SARS1: variants seen among roughly 807,000 people sequenced by gnomAD.
SARS1 encodes the protein seryl-tRNA synthetase 1.
In SARS1, 25 loss-of-function variants were observed where a neutral mutation model predicts 63.7. That is an observed-to-expected ratio of 0.39 (90% CI 0.29 to 0.55). The LOEUF (loss-of-function observed/expected upper bound fraction) is 0.55, where lower values mean the gene tolerates loss of function less well. Ranked by LOEUF, SARS1 falls within the 20% of genes least tolerant of loss-of-function variation. The pLI is 0.62. For missense variants in SARS1, 417 were observed against 649.7 expected, an observed-to-expected ratio of 0.64 and a Z score of 3.89; for synonymous variants, 231 against 243.5, an observed-to-expected ratio of 0.95 and a Z score of 0.48.
At chr1:109,219,262 C>CAT (rs142272817) in intron 1 of SARS1, among the ~76,000 whole-genome samples, 1,651 of 76,868 alleles carry the variant, frequency 0.021, 122 homozygotes, top group African/African-American at 0.056. Context: ...CAAGACTCTC[C>CAT]ATATATATAT....
chr1:109,217,976 G>A (rs1004399459), intron 1 of SARS1, among the ~76,000 whole-genome samples: 1 of 152,042 alleles, frequency 6.6e-6, no homozygotes, highest in Non-Finnish European at 1.5e-5. Flanking sequence ...CAGATCACAA[G>A]GTCAGGAGAT....
At chr1:109,219,340 T>C (rs1454639867) in intron 1 of SARS1, among the ~76,000 whole-genome samples, 1 of 48,704 alleles carries the variant, frequency 2.1e-5, no homozygotes, top group Non-Finnish European at 7.5e-5. Context: ...ACACACTATA[T>C]ATATATATAT....
intron 5 of SARS1, 83 bp downstream of exon 5, chr1:109,231,104 G>A (rs952331261): frequency 1.1e-5 from 10 of 870,976 alleles, no homozygotes; most frequent in African/African-American, 1.8e-5. Context: ...TTTTTGTAGA[G>A]AAACATAATC....
At chr1:109,213,916 G>C (rs1052801131), upstream of SARS1, 37 of 1,484,346 alleles carry the variant, frequency 2.5e-5, no homozygotes, top group African/African-American at 3.3e-4. Flanking sequence ...CAGCGCGCCG[G>C]CGCAGTGCGG....
chr1:109,235,351 C>T lies in SARS1; in HGVS notation c.889C>T (p.Leu297=). 1.9e-6 allele frequency: 3 copies of T among 1,614,128 alleles called. No individual in the cohort carries two copies. Among genetic ancestry groups the T allele is most frequent in the East Asian group, 4.5e-5 (2 of 44,874 alleles). ...PEDLPIKYAG[L]STCFRQEVGS... Reference sequence around the variant, plus strand: ...GGACCTGCCCATCAAGTATGCTGGCCTGTCTACCTGCTTCCGTCAGGAGGT... The same window carrying T: ...GGACCTGCCCATCAAGTATGCTGGCTTGTCTACCTGCTTCCGTCAGGAGGT... The change falls in exon 7 of 11, where the codon CTG becomes TTG. Residue 297 remains leucine (L), a synonymous_variant. Transcript: ENST00000234677. The surrounding 1 kb of genome is among the most constrained non-coding windows in gnomAD (Gnocchi z 4.7).
chr1:109,218,292 G>A (rs1435458800), intron 1 of SARS1, among the ~76,000 whole-genome samples: 10 of 151,552 alleles, frequency 6.6e-5, no homozygotes, highest in East Asian at 3.9e-4. Context: ...GCTTGAACCC[G>A]GGAAGCGGAG....
At chr1:109,227,074 C>T (rs1193202729) in intron 2 of SARS1, among the ~76,000 whole-genome samples, 1 of 149,762 alleles carries the variant, frequency 6.7e-6, no homozygotes, top group Non-Finnish European at 1.5e-5. Context: ...CAGCTCACTG[C>T]AACCTCTGCC....
chr1:109,230,349 GC>G (rs1216310678), intron 4 of SARS1, among the ~76,000 whole-genome samples: 3 of 151,932 alleles, frequency 2.0e-5, no homozygotes, highest in Non-Finnish European at 4.4e-5. Flanking sequence ...CAGTTTCATG[GC>G]TAGAATTACT....
chr1:109,229,018 A>G (rs1655148359), intron 3 of SARS1, among the ~76,000 whole-genome samples: 1 of 152,240 alleles, frequency 6.6e-6, no homozygotes, highest in South Asian at 2.1e-4. Flanking sequence ...TAATAAATTT[A>G]TAATCTTCCT....
intron 1 of SARS1, among the ~76,000 whole-genome samples, chr1:109,222,498 T>G (rs1473395027): frequency 1.3e-5 from 2 of 152,186 alleles, no homozygotes; most frequent in East Asian, 3.8e-4. Flanking sequence ...CTCTTTGTAG[T>G]CTACTCCCTT....
chr1:109,230,544 C>T (rs1425997759), intron 4 of SARS1, among the ~76,000 whole-genome samples: 1 of 152,168 alleles, frequency 6.6e-6, no homozygotes, highest in African/African-American at 2.4e-5. Context: ...CGGTGGCTCA[C>T]GTCTATAATC....
At chr1:109,219,872 G>A (rs1429054996) in intron 1 of SARS1, among the ~76,000 whole-genome samples, 2 of 152,154 alleles carry the variant, frequency 1.3e-5, no homozygotes, top group African/African-American at 4.8e-5. Flanking sequence ...ACATGTAGCA[G>A]TAGTTGGTTC....
intron 4 of SARS1, among the ~76,000 whole-genome samples, chr1:109,229,824 T>C (rs1315617651): frequency 6.6e-6 from 1 of 152,188 alleles, no homozygotes; most frequent in Admixed American, 6.5e-5. Flanking sequence ...CTCCGCTGCA[T>C]GTTGCCCGTG....
At position 109,221,997 on chromosome 1, in the gene SARS1, TATATA is replaced by T. The variant is rs1654947736; in HGVS notation, c.137-1980_137-1976del. On this transcript the variant is annotated intron_variant, in intron 1 of 10. Transcript: ENST00000234677. ...ATATATATATATATATATATATATA[TATATA>T]TATATATATTTTTTTTTTTTTTTTT... is the stretch of plus-strand genomic sequence containing the variant. Among the ~76,000 whole-genome samples, 3 of 17,430 alleles carry T rather than the reference TATATA, an allele frequency of 1.7e-4. 1 individual carries two copies. Among genetic ancestry groups the T allele is most frequent in the Non-Finnish European group, 2.9e-4 (3 of 10,456 alleles). 11.4% of individuals were successfully genotyped at this position (17,430 alleles called of 152,430 possible). A position where few individuals can be genotyped will look rare whatever the true frequency, so the allele number is the denominator to read the frequency against.
chr1:109,235,552 C>T lies in SARS1; in HGVS notation c.969+121C>T, dbSNP rs1445681858. On this transcript the variant is annotated intron_variant, in intron 7 of 10. Transcript: ENST00000234677. This position sits in a 1 kb window ranked among gnomAD's most constrained non-coding sequence, Gnocchi z 4.7. ...TCCAGCTTTTCCTCTCATTGCTTAC[C>T]TCTGTGTTTCTGGGGAAGTGCATGG... 7 of 806,946 alleles carry T rather than the reference C, an allele frequency of 8.7e-6. No homozygotes were observed. In the South Asian group the frequency reaches 1.0e-4, roughly 12 times the overall value. 50.0% of individuals were successfully genotyped at this position (806,946 alleles called of 1,614,324 possible).
intron 1 of SARS1, 147 bp from the exon 2 acceptor site, chr1:109,223,831 A>G: frequency 6.1e-6 from 4 of 658,942 alleles, no homozygotes; most frequent in Non-Finnish European, 8.3e-6. Context: ...AAGCTGTAAG[A>G]TTTTATAACT....
Position 109,237,989 on chromosome 1 carries a change from C to A in SARS1, c.*101C>A. On this transcript the variant is annotated 3_prime_UTR_variant, in exon 11 of 11. Coordinates refer to ENST00000234677, the MANE Select transcript of SARS1 (RefSeq NM_006513.4). This position sits in a 1 kb window ranked among gnomAD's most constrained non-coding sequence, Gnocchi z 4.1. ...GCCAAGCACCCATTCATCCCCCTGC[C>A]CCCATCTGACTGCGTAGCTGAGAGG... The A allele has an allele frequency of 7.6e-7, 1 of 1,311,588 alleles. No homozygotes were observed. Among genetic ancestry groups the A allele is most frequent in the Non-Finnish European group, 1.1e-6 (1 of 941,444 alleles). 81.2% of individuals were successfully genotyped at this position (1,311,588 alleles called of 1,614,324 possible). A position where few individuals can be genotyped will look rare whatever the true frequency, so the allele number is the denominator to read the frequency against.
At chr1:109,215,200 TTTGA>T in intron 1 of SARS1, 6 of 985,470 alleles carry the variant, frequency 6.1e-6, no homozygotes, top group Non-Finnish European at 7.2e-6. Context: ...TAGTAGTTTG[TTTGA>T]TTGTGAGATT....
intron 1 of SARS1, among the ~76,000 whole-genome samples, chr1:109,217,915 G>A (rs1033726012): frequency 4.6e-5 from 7 of 152,034 alleles, no homozygotes; most frequent in East Asian, 1.9e-4. Context: ...AAACTAGCCC[G>A]GTGCGGTGAC....
Sources: allele counts gnomAD v4.1 joint callset (sites outside exome capture counted in the v4.1 genomes callset), GRCh38; gene constraint gnomAD v4.1.1; non-coding constraint Gnocchi (gnomAD v3.1); transcripts MANE v1.5; gene names NCBI Gene and HGNC (gene_info 2026-07-23, HGNC 2026-07-21).